The following PLEKHG4B variants were observed in gnomAD, a reference collection of about 807,000 sequenced individuals.
PLEKHG4B encodes the protein pleckstrin homology and RhoGEF domain containing G4B.
Under a neutral mutation model 121.3 loss-of-function variants are expected in PLEKHG4B, and 111 were observed. The observed-to-expected ratio is 0.92, with a 90% CI of 0.78 to 1.07. PLEKHG4B has a LOEUF of 1.07. Among genes scored for constraint, PLEKHG4B ranks in the 50% least tolerant of loss-of-function variants. PLEKHG4B has a pLI of 0.00. For synonymous variants in PLEKHG4B, 738 were observed against 725.0 expected (o/e 1.02, Z -0.29); for missense variants, 1,831 against 1,757.8 (o/e 1.04, Z -0.74).
At position 140,142 on chromosome 5, in the gene PLEKHG4B, C is replaced by T. The variant is rs1197879480; in HGVS notation, c.903C>T (p.Pro301=). ...VSPSEQGPRM[P]PENCGGSGER... ...CCTCAGAGCAGGGCCCACGGATGCC[C>T]CCTGAGAACTGTGGGGGGTCGGGGG... The change falls in exon 3 of 20, where the codon CCC becomes CCT. Residue 301 remains proline, a synonymous_variant. Transcript: ENST00000637938. 2 of 669,342 alleles carry T rather than the reference C, an allele frequency of 3.0e-6. No individual in the cohort carries two copies. Among genetic ancestry groups the T allele is most frequent in the Non-Finnish European group, 4.9e-6 (2 of 410,106 alleles). The allele number at this position is 669,342 out of a possible 1,614,324, so 41.5% of individuals were successfully genotyped here.
intron 2 of PLEKHG4B, among the ~76,000 whole-genome samples, chr5:121,865 A>T (rs1438196310): frequency 6.6e-6 from 1 of 151,862 alleles, no homozygotes; most frequent in Non-Finnish European, 1.5e-5. Context: ...GGTGGTCTTT[A>T]GGTTGAAGGG....
At chr5:147,949 C>A (rs1173876135) in intron 6 of PLEKHG4B, among the ~76,000 whole-genome samples, 1 of 151,970 alleles carries the variant, frequency 6.6e-6, no homozygotes, top group African/African-American at 2.4e-5. Flanking sequence ...GAAAACTGAT[C>A]AGTGTAAACA....
Position 189,866 on chromosome 5 carries a change from G to C in PLEKHG4B, c.*7543G>C, listed in dbSNP as rs1579345610. The C allele has an allele frequency of 6.6e-6, 1 of 152,186 alleles. No individual in the cohort carries two copies. The highest frequency in any genetic ancestry group is 6.5e-5 in the Admixed American group (1 of 15,288). The allele number at this position is 152,186 out of a possible 1,614,324, so 9.4% of individuals were successfully genotyped here. A position where few individuals can be genotyped will look rare whatever the true frequency, so the allele number is the denominator to read the frequency against. On this transcript the variant is annotated 3_prime_UTR_variant, in exon 20 of 20. Transcript: ENST00000637938. ...GGAAACCACTTTTCAGAACCCAAAA[G>C]GTGTCTGGGAAATGGCGTTACCTGC... is the stretch of plus-strand genomic sequence containing the variant.
intron 2 of PLEKHG4B, among the ~76,000 whole-genome samples, chr5:128,201 A>C (rs544559937): frequency 1.1e-4 from 17 of 152,340 alleles, no homozygotes; most frequent in South Asian, 8.3e-4. Flanking sequence ...GTTAATAGAG[A>C]GTCTTTACAG....
chr5:153,310 TA>T (rs1735664026), intron 7 of PLEKHG4B, among the ~76,000 whole-genome samples: 1 of 152,158 alleles, frequency 6.6e-6, no homozygotes, highest in Admixed American at 6.5e-5. Context: ...CCCTGGAGAA[TA>T]GGTCCCATTT....
chr5:133,913 G>GACACACACAC (rs745898348), intron 2 of PLEKHG4B, among the ~76,000 whole-genome samples: 2,544 of 135,578 alleles, frequency 0.019, 74 homozygotes, highest in African/African-American at 0.065. Flanking sequence ...AAGAAAATGT[G>GACACACACAC]ACACACACGC....
intron 7 of PLEKHG4B, among the ~76,000 whole-genome samples, 190 bp from the exon 8 acceptor site, chr5:154,685 C>T (rs1560934063): frequency 6.7e-6 from 1 of 149,332 alleles, no homozygotes. Flanking sequence ...TCTTAGCTCC[C>T]TTCTTTCCCG....
chr5:102,412 A>C (rs1175114160), intron 1 of PLEKHG4B, among the ~76,000 whole-genome samples: 1 of 152,130 alleles, frequency 6.6e-6, no homozygotes, highest in Non-Finnish European at 1.5e-5. Context: ...TCCAAAGTTG[A>C]CCTACTAGAG....
rs1480664422 is a variant in PLEKHG4B at position 143,522 on chromosome 5, C to T, written c.1811+19C>T. The T allele has an allele frequency of 4.3e-6, 7 of 1,611,744 alleles. No homozygotes were observed. Among genetic ancestry groups the T allele is most frequent in the Admixed American group, 3.3e-5 (2 of 59,976 alleles). ...TCCCCAGGTGGGACGGGGGGCAAGG[C>T]CGCACCCTGCAGACCCATGGGACCC... On this transcript the variant is annotated intron_variant, in intron 5 of 19. Transcript: ENST00000637938.
chr5:119,509 G>A (rs900217007), intron 2 of PLEKHG4B, among the ~76,000 whole-genome samples: 1 of 152,174 alleles, frequency 6.6e-6, no homozygotes, highest in East Asian at 1.9e-4. Flanking sequence ...AAGAACAGAT[G>A]TGTCCAGTTA....
At chr5:132,295 A>T (rs1037127773) in intron 2 of PLEKHG4B, among the ~76,000 whole-genome samples, 8 of 152,202 alleles carry the variant, frequency 5.3e-5, no homozygotes, top group Non-Finnish European at 1.2e-4. Flanking sequence ...TTTAGCTGTT[A>T]GTCCTTTGTT....
chr5:138,681 G>A (rs1364985229), intron 2 of PLEKHG4B, among the ~76,000 whole-genome samples: 1 of 152,194 alleles, frequency 6.6e-6, no homozygotes, highest in African/African-American at 2.4e-5. Context: ...TGTTACCAGT[G>A]CAAAACATGA....
At chr5:150,353 G>C (rs144605160) in intron 6 of PLEKHG4B, among the ~76,000 whole-genome samples, 2 of 152,290 alleles carry the variant, frequency 1.3e-5, no homozygotes, top group African/African-American at 2.4e-5. Flanking sequence ...CCAGGAGCAG[G>C]GGGTAATGGA....
intron 16 of PLEKHG4B, 87 bp from the exon 17 acceptor site, chr5:172,810 C>A (rs1371455695): frequency 1.4e-6 from 2 of 1,451,314 alleles, no homozygotes; most frequent in Non-Finnish European, 1.9e-6. Context: ...TGTCACGAAG[C>A]TAACACATTT....
At position 162,879 on chromosome 5, in the gene PLEKHG4B, C is replaced by T. The variant is rs144399749; in HGVS notation, c.2807C>T (p.Pro936Leu). Residue 936 changes from proline (P) to leucine (L), a missense_variant, in exon 13 of 20, where the codon CCG becomes CTG. By Grantham distance (98) the Pro-to-Leu change is moderately conservative. Transcript: ENST00000637938. ...CTGAAGCCTCATGCCCTGGGGAAAC[C>T]GTGGGCATCACAGCAAGACCTGTGG... Reference protein sequence around the residue: ...AVLKPHALGKPWASQQDLWLQ... With the variant: ...AVLKPHALGKLWASQQDLWLQ... 37 of 1,520,564 alleles carry T rather than the reference C, an allele frequency of 2.4e-5. No individual in the cohort carries two copies. The highest frequency in any genetic ancestry group is 8.3e-5 in the African/African-American group (6 of 72,572). The allele number at this position is 1,520,564 out of a possible 1,614,324, so 94.2% of individuals were successfully genotyped here.
At position 154,860 on chromosome 5, in the gene PLEKHG4B, G is replaced by C; in HGVS notation, c.1993-15G>C. 6.2e-7 allele frequency: 1 copy of C among 1,603,092 alleles called. No individual in the cohort carries two copies. The highest frequency in any genetic ancestry group is 8.5e-7 in the Non-Finnish European group (1 of 1,170,528). ...GCATCTGGAGCCATGACCAACGAGT[G>C]CCTCTTCTTGGCAGTGTGAGGTCGT... is the stretch of plus-strand genomic sequence containing the variant. On this transcript the variant is annotated splice_polypyrimidine_tract_variant and intron_variant, in intron 7 of 19. Coordinates refer to ENST00000637938, the MANE Select transcript of PLEKHG4B (RefSeq NM_052909.5).
chr5:187,088 G>A lies in PLEKHG4B; in HGVS notation c.*4765G>A. On this transcript the variant is annotated 3_prime_UTR_variant, in exon 20 of 20. Transcript: ENST00000637938. ...CCCAGGACCCTCCCACGGCCCCAGG[G>A]TGCCGGCCTTCAGATTGACCCCATT... The A allele has an allele frequency of 6.6e-6, 1 of 152,328 alleles. No individual in the cohort carries two copies. Among genetic ancestry groups the A allele is most frequent in the Non-Finnish European group, 1.5e-5 (1 of 68,166 alleles). The allele number at this position is 152,328 out of a possible 1,614,324, so 9.4% of individuals were successfully genotyped here.
chr5:95,196 A>G (rs1008510729), intron 1 of PLEKHG4B, among the ~76,000 whole-genome samples: 17 of 152,180 alleles, frequency 1.1e-4, no homozygotes, highest in Non-Finnish European at 1.9e-4. Context: ...TTTCTTTTAC[A>G]TGTTAAAACT....
At chr5:144,725 C>T in intron 5 of PLEKHG4B, 102 bp from the exon 6 acceptor site, 1 of 1,006,074 alleles carries the variant, frequency 9.9e-7, no homozygotes, top group Non-Finnish European at 1.5e-6. Flanking sequence ...ACTTCTAGAG[C>T]TGAAAGGAAA....
Sources: gnomAD v4.1 joint callset for allele counts (sites outside exome capture counted in the v4.1 genomes callset) on GRCh38, gnomAD v4.1.1 for gene constraint, MANE v1.5 for transcripts, NCBI Gene and HGNC (gene_info 2026-07-23, HGNC 2026-07-21) for gene names.